Variants in TMEM132A observed in about 807,000 individuals in gnomAD.
TMEM132A encodes the protein transmembrane protein 132A.
In TMEM132A, 48 loss-of-function variants were observed where a neutral mutation model predicts 69.9. The observed-to-expected ratio is 0.69, with a 90% CI of 0.55 to 0.87. The LOEUF is 0.87. TMEM132A is among the 40% of genes least tolerant of loss of function. The pLI, the probability that TMEM132A is intolerant of heterozygous loss-of-function variation, is 0.00. For missense variants in TMEM132A, 1,287 were observed against 1,407.2 expected, an observed-to-expected ratio of 0.91 and a Z score of 1.37; for synonymous variants, 577 against 613.7, an observed-to-expected ratio of 0.94 and a Z score of 0.88.
At position 60,937,039 on chromosome 11, in the gene TMEM132A, T is replaced by A; in HGVS notation, c.*132T>A. 1 of 1,266,208 alleles carries A rather than the reference T, an allele frequency of 7.9e-7. No homozygotes were observed. The highest frequency in any genetic ancestry group is 1.1e-6 in the Non-Finnish European group (1 of 941,866). The allele number at this position is 1,266,208 out of a possible 1,614,324, so 78.4% of individuals were successfully genotyped here. On this transcript the variant is annotated 3_prime_UTR_variant, in exon 11 of 11. Coordinates refer to ENST00000453848, the MANE Select transcript of TMEM132A (RefSeq NM_178031.3). ...CCCCTGCCTGGTCCCCCACAAGGAC[T>A]CCCATCCAGGCCCCCTCTGCCCTGC...
chr11:60,926,668 C>G (rs779071372), intron 1 of TMEM132A: 15 of 183,128 alleles, frequency 8.2e-5, no homozygotes, highest in Non-Finnish European at 1.7e-4. Flanking sequence ...CACACTTGCA[C>G]TCGATACCAG....
rs1856524715 is a variant in TMEM132A at position 60,933,627 on chromosome 11, G to A, written c.1442G>A (p.Arg481Gln). ...RGVRVDFWWR[R>Q]LRASLRLTVW... ...GTGCGAGTGGACTTCTGGTGGCGCC[G>A]GCTCCGCGCCTCGCTGCGGCTGACC... The change falls in exon 8 of 11, where the codon CGG becomes CAG. Residue 481 changes from arginine to glutamine, a missense_variant. Coordinates refer to ENST00000453848, the MANE Select transcript of TMEM132A (RefSeq NM_178031.3). 3 of 1,605,736 alleles carry A rather than the reference G, an allele frequency of 1.9e-6. No homozygotes were observed. Among genetic ancestry groups the A allele is most frequent in the Admixed American group, 1.7e-5 (1 of 59,896 alleles).
In TMEM132A at chr11:60,934,490, C is replaced by T; in HGVS notation, c.1562C>T (p.Pro521Leu). The T allele has an allele frequency of 2.9e-6, 4 of 1,387,650 alleles. No individual in the cohort carries two copies. The South Asian group carries it at 6.4e-5, about 22-fold the overall frequency. 86.0% of individuals were successfully genotyped at this position (1,387,650 alleles called of 1,614,324 possible). A position where few individuals can be genotyped will look rare whatever the true frequency, so the allele number is the denominator to read the frequency against. The change falls in exon 9 of 11, where the codon CCT (proline) becomes CTT (leucine). Residue 521 changes from proline (P) to leucine (L), a missense_variant and splice_region_variant. Pro to Leu is a moderately conservative substitution (Grantham distance 98). Coordinates refer to ENST00000453848, the MANE Select transcript of TMEM132A (RefSeq NM_178031.3). The part of the protein sequence containing the change: ...GWRVPGPAEG[P>L]AEPAAEASDE... ...GTCCCGGCCTCCCCGCCCTGCAGGC[C>T]TGCGGAACCCGCTGCAGAGGCGTCG...
Position 60,934,772 on chromosome 11 carries a change from G to A in TMEM132A, c.1836+8G>A, listed in dbSNP as rs370579260. The A allele has an allele frequency of 3.5e-5, 55 of 1,592,076 alleles. No individual in the cohort carries two copies. Among genetic ancestry groups the A allele is most frequent in the Non-Finnish European group, 4.7e-5 (55 of 1,167,314 alleles). On this transcript the variant is annotated splice_region_variant and intron_variant, in intron 9 of 10. Transcript: ENST00000453848. Reference sequence around the variant, plus strand: ...GGTGTCACCTCCATTGAGGTAAGCAGCTGGGGACCAGGAGAGTAGACCCCC... The same window carrying A: ...GGTGTCACCTCCATTGAGGTAAGCAACTGGGGACCAGGAGAGTAGACCCCC...
rs1856593402 is a variant in TMEM132A at position 60,936,142 on chromosome 11, C to T, written c.2307C>T (p.Ala769=). 8 of 1,613,814 alleles carry T rather than the reference C, an allele frequency of 5.0e-6. No homozygotes were observed. The East Asian group carries it at 1.8e-4, about 36-fold the overall frequency. Residue 769 remains alanine, a synonymous_variant, in exon 11 of 11, where the codon GCC becomes GCT. Transcript: ENST00000453848. ...CCGCCTGGCTGGGGCTGCCCCCTGCCTCCACTCCAGCCCCTGCTCTCCCAT... is the reference window on the plus strand; with the variant it reads ...CCGCCTGGCTGGGGCTGCCCCCTGCTTCCACTCCAGCCCCTGCTCTCCCAT... The part of the protein sequence containing the change: ...SGTAWLGLPP[A]STPAPALPSS...
Position 60,936,443 on chromosome 11 carries a change from G to C in TMEM132A, c.2608G>C (p.Val870Leu). Residue 870 changes from valine (V) to leucine (L), a missense_variant, in exon 11 of 11, where the codon GTC becomes CTC. Coordinates refer to ENST00000453848, the MANE Select transcript of TMEM132A (RefSeq NM_178031.3). ...CTTCATCTTCTTGGTCAATGGTGTG[G>C]TCTTCGTCCTGCGCTATCAGCGCAA... ...AIFIFLVNGVVFVLRYQRKEP... is the reference protein window; with the variant it reads ...AIFIFLVNGVLFVLRYQRKEP... The C allele has an allele frequency of 1.2e-6, 2 of 1,614,170 alleles. No homozygotes were observed. Among genetic ancestry groups the C allele is most frequent in the Non-Finnish European group, 8.5e-7 (1 of 1,180,022 alleles).
At chr11:60,929,869 C>T (rs867354962) in intron 4 of TMEM132A, among the ~76,000 whole-genome samples, 4 of 147,576 alleles carry the variant, frequency 2.7e-5, no homozygotes, top group Non-Finnish European at 4.5e-5. Context: ...GATCCAAACA[C>T]GAGCAAGGGC....
Position 60,933,560 on chromosome 11 carries a change from G to A in TMEM132A, c.1375G>A (p.Ala459Thr). Residue 459 changes from alanine (A) to threonine (T), a missense_variant, in exon 8 of 11, where the codon GCC (alanine) becomes ACC (threonine). Coordinates refer to ENST00000453848, the MANE Select transcript of TMEM132A (RefSeq NM_178031.3). ...QVLQVSEACD[A>T]VFVAGKESRG... ...TCCATAGGTGTCTGAGGCCTGTGAT[G>A]CCGTGTTCGTGGCTGGCAAGGAGAG... The A allele has an allele frequency of 3.1e-6, 5 of 1,607,546 alleles. No individual in the cohort carries two copies. Among genetic ancestry groups the A allele is most frequent in the South Asian group, 1.1e-5 (1 of 90,854 alleles).
At position 60,926,258 on chromosome 11, in the gene TMEM132A, G is replaced by A. The variant is rs564969877; in HGVS notation, c.101-946G>A. Among the ~76,000 whole-genome samples the A allele has an allele frequency of 1.3e-3, 201 of 152,270 alleles. 3 individuals are homozygous for A. Among genetic ancestry groups the A allele is most frequent in the African/African-American group, 4.6e-3 (191 of 41,562 alleles). On this transcript the variant is annotated intron_variant, in intron 1 of 10. Coordinates refer to ENST00000453848, the MANE Select transcript of TMEM132A (RefSeq NM_178031.3). ...GGAGAGAGAAGTGGCAGGTGGAGAC[G>A]CCGGATGGTCTAGTGGCTAATACCT...
chr11:60,936,418 C>T lies in TMEM132A; in HGVS notation c.2583C>T (p.Ile861=). Residue 861 remains isoleucine (I), a synonymous_variant, in exon 11 of 11, where the codon ATC becomes ATT. Coordinates refer to ENST00000453848, the MANE Select transcript of TMEM132A (RefSeq NM_178031.3). ...YALLGVFCVA[I]FIFLVNGVVF... ...TGCTGGGAGTCTTCTGCGTGGCCAT[C>T]TTCATCTTCTTGGTCAATGGTGTGG... The T allele has an allele frequency of 4.3e-6, 7 of 1,614,182 alleles. No individual in the cohort carries two copies. Among genetic ancestry groups the T allele is most frequent in the Non-Finnish European group, 5.9e-6 (7 of 1,180,008 alleles).
Position 60,928,747 on chromosome 11 carries a change from G to C in TMEM132A, c.653G>C (p.Gly218Ala), listed in dbSNP as rs1288257723. The stretch of plus-strand genomic sequence containing the variant: ...GAGCCTGCAGCTGAGGGCCCTGGGG[G>C]CTGTGGCTCCGGCGAGGAGAACGAC... ...TLEPAAEGPG[G>A]CGSGEENDPG... is the part of the protein sequence containing the mutation. Residue 218 changes from glycine to alanine, a missense_variant, in exon 4 of 11, where the codon GGC (glycine) becomes GCC (alanine). Transcript: ENST00000453848. 1 of 1,609,224 alleles carries C rather than the reference G, an allele frequency of 6.2e-7. No homozygotes were observed. Among genetic ancestry groups the C allele is most frequent in the Non-Finnish European group, 8.5e-7 (1 of 1,178,414 alleles).
intron 1 of TMEM132A, chr11:60,925,874 A>C (rs1306504887): frequency 1.3e-5 from 2 of 152,284 alleles, no homozygotes; most frequent in Non-Finnish European, 2.9e-5. Context: ...CCCTTTTACA[A>C]GTGAGGAAAC....
intron 9 of TMEM132A, 28 bp downstream of exon 9, chr11:60,934,792 A>AC (rs1161075942): frequency 6.4e-7 from 1 of 1,568,468 alleles, no homozygotes; most frequent in Admixed American, 1.8e-5. Flanking sequence ...AGGAGAGTAG[A>AC]CCCCCTGAGA....
rs148123295 is a variant in TMEM132A, at chr11:60,936,806, G to A, written c.2971G>A (p.Val991Met). ...VGAPAVQSIL[V>M]AGEEDIRWVC... ...GGCCCCTGCTGTGCAGTCCATCCTTGTGGCAGGCGAGGAGGACATCCGCTG... is the reference window on the plus strand; with the variant it reads ...GGCCCCTGCTGTGCAGTCCATCCTTATGGCAGGCGAGGAGGACATCCGCTG... Residue 991 changes from valine (V) to methionine (M), a missense_variant, in exon 11 of 11, where the codon GTG becomes ATG. Transcript: ENST00000453848. 1.6e-5 allele frequency: 26 copies of A among 1,613,222 alleles called. No individual in the cohort carries two copies. The highest frequency in any genetic ancestry group is 5.0e-5 in the Admixed American group (3 of 59,872).
rs1015873834 is a variant in TMEM132A, at chr11:60,936,592, G to T, written c.2757G>T (p.Gly919=). The T allele has an allele frequency of 5.6e-6, 9 of 1,596,636 alleles. No homozygotes were observed. Among genetic ancestry groups the T allele is most frequent in the African/African-American group, 1.3e-5 (1 of 74,602 alleles). Residue 919 remains glycine, a synonymous_variant, in exon 11 of 11, where the codon GGG becomes GGT. Coordinates refer to ENST00000453848, the MANE Select transcript of TMEM132A (RefSeq NM_178031.3). ...GGCAGTCCCCTGGCCCGCCCAAGGG[G>T]GAGGGGAGCTGCCCCTGTGAGAGTG... The part of the protein sequence containing the change: ...LDRQSPGPPK[G]EGSCPCESGG...
rs753291593 is a variant in TMEM132A, at chr11:60,933,714, G to C, written c.1529G>C (p.Arg510Pro). 6.3e-7 allele frequency: 1 copy of C among 1,591,076 alleles called. No individual in the cohort carries two copies. The highest frequency in any genetic ancestry group is 8.5e-7 in the Non-Finnish European group (1 of 1,170,426). Residue 510 changes from arginine to proline, a missense_variant, in exon 8 of 11, where the codon CGC becomes CCC. Transcript: ENST00000453848. ...ELTDTTLEQVRGWRVPGPAEG... is the reference protein window; with the variant it reads ...ELTDTTLEQVPGWRVPGPAEG... ...ACCGACACCACCCTCGAGCAGGTCC[G>C]CGGCTGGAGGGTACCTGGCCCTGCT...
chr11:60,930,324 G>C (rs1000938560), intron 4 of TMEM132A, among the ~76,000 whole-genome samples, 186 bp from the exon 5 acceptor site: 1 of 152,200 alleles, frequency 6.6e-6, no homozygotes, highest in Non-Finnish European at 1.5e-5. Flanking sequence ...TGGTCTTTGG[G>C]TGGGGGAGAG....
chr11:60,928,616 C>G lies in TMEM132A; in HGVS notation c.535-13C>G, dbSNP rs372929895. The G allele has an allele frequency of 6.2e-7, 1 of 1,604,568 alleles. No individual in the cohort carries two copies. Among genetic ancestry groups the G allele is most frequent in the Non-Finnish European group, 8.5e-7 (1 of 1,179,020 alleles). ...CCACCCCCATGCCAATTACTGCTGT[C>G]GTGTCTTCACAGCCATCCCTGGGCG... On this transcript the variant is annotated splice_polypyrimidine_tract_variant and intron_variant, in intron 3 of 10. Transcript: ENST00000453848.
Position 60,927,302 on chromosome 11 carries a change from T to G in TMEM132A, c.199T>G (p.Tyr67Asp), listed in dbSNP as rs767580834. 6.2e-7 allele frequency: 1 copy of G among 1,613,032 alleles called. No homozygotes were observed. The change falls in exon 2 of 11, where the codon TAC (tyrosine) becomes GAC (aspartate). Residue 67 changes from tyrosine to aspartate, a missense_variant. Physicochemically the swap from Tyr to Asp is radical, Grantham distance 160. Coordinates refer to ENST00000453848, the MANE Select transcript of TMEM132A (RefSeq NM_178031.3). ...EHFRVQQVGH[Y>D]PPANSSLSSR... ...CTTCCGTGTGCAGCAGGTGGGCCACTACCCACCTGCCAACTCCTCTCTGAG... is the reference window on the plus strand; with the variant it reads ...CTTCCGTGTGCAGCAGGTGGGCCACGACCCACCTGCCAACTCCTCTCTGAG...
Sources: allele counts gnomAD v4.1 joint callset (sites outside exome capture counted in the v4.1 genomes callset), GRCh38; gene constraint gnomAD v4.1.1; transcripts MANE v1.5; gene names NCBI Gene and HGNC (gene_info 2026-07-23, HGNC 2026-07-21).